Variants in PLEKHA5 observed in about 807,000 individuals in gnomAD.
PLEKHA5 encodes the protein pleckstrin homology domain-containing family A member 5.
In PLEKHA5, 55 loss-of-function variants were observed where a neutral mutation model predicts 181.9. The ratio of observed to expected loss-of-function variants is 0.30; its 90% CI spans 0.24 to 0.38. PLEKHA5 has a LOEUF of 0.38. Among genes scored for constraint, PLEKHA5 ranks in the 10% least tolerant of loss-of-function variants. The pLI is 1.00. For missense variants in PLEKHA5, 1,432 were observed against 1,549.5 expected (o/e 0.92, Z 1.27); for synonymous variants, 535 against 529.4 (o/e 1.01, Z -0.15).
chr12:19,300,943 T>G (rs2081301778), intron 15 of PLEKHA5, among the ~76,000 whole-genome samples: 1 of 147,024 alleles, frequency 6.8e-6, no homozygotes, highest in Non-Finnish European at 1.5e-5. Context: ...AAGACCAGCC[T>G]GACCAACATG....
At position 19,308,765 on chromosome 12, in the gene PLEKHA5, G is replaced by A. The variant is rs796750613; in HGVS notation, c.2038-6049G>A. Among the ~76,000 whole-genome samples the A allele has an allele frequency of 6.6e-5, 10 of 152,148 alleles. 2 individuals carry two copies. The highest frequency in any genetic ancestry group is 3.9e-4 in the East Asian group (2 of 5,170). On this transcript the variant is annotated intron_variant, in intron 15 of 31. Coordinates refer to ENST00000429027, the MANE Select transcript of PLEKHA5 (RefSeq NM_001256470.2). ...AAATGAGCATTTGAAATGATAATCC[G>A]GCTGGGCACAGTGGCTCACCCCTGT...
At chr12:19,241,347 G>T (rs1297982774) in intron 3 of PLEKHA5, among the ~76,000 whole-genome samples, 1 of 152,170 alleles carries the variant, frequency 6.6e-6, no homozygotes, top group Non-Finnish European at 1.5e-5. Flanking sequence ...CAGCTTGGAG[G>T]ATAGACTCAA....
intron 25 of PLEKHA5, among the ~76,000 whole-genome samples, chr12:19,348,929 T>C (rs2094459229): frequency 6.6e-6 from 1 of 152,120 alleles, no homozygotes; most frequent in Non-Finnish European, 1.5e-5. Context: ...ACCACTGCAC[T>C]CCAGCCTGGG....
intron 3 of PLEKHA5, chr12:19,154,142 C>T (rs953879281): frequency 9.9e-5 from 15 of 152,120 alleles, no homozygotes; most frequent in African/African-American, 3.4e-4. Flanking sequence ...TCCGGTAGTA[C>T]TTGTGCCTTT....
intron 3 of PLEKHA5, among the ~76,000 whole-genome samples, chr12:19,198,311 C>T (rs7980706): frequency 0.84 from 127,640 of 152,154 alleles, 55,000 homozygotes; most frequent in Non-Finnish European, 0.95. Context: ...ACTCTAGTCA[C>T]AGAGGCCTTC....
chr12:19,346,280 C>T (rs1405418807), intron 23 of PLEKHA5, among the ~76,000 whole-genome samples: 1 of 152,012 alleles, frequency 6.6e-6, no homozygotes, highest in African/African-American at 2.4e-5. Context: ...GTCAACCTAA[C>T]CAAAAGAATC....
intron 3 of PLEKHA5, among the ~76,000 whole-genome samples, chr12:19,197,684 G>C (rs1278252675): frequency 1.8e-4 from 11 of 62,228 alleles, no homozygotes; most frequent in South Asian, 5.3e-4. Flanking sequence ...TGCTGTGTGT[G>C]TGTGTGTGTG....
chr12:19,364,440 G>T (rs1268729551), intron 29 of PLEKHA5, among the ~76,000 whole-genome samples: 1 of 151,956 alleles, frequency 6.6e-6, no homozygotes, highest in African/African-American at 2.4e-5. Flanking sequence ...GAGCCAGGGA[G>T]GCGGAGGTCT....
chr12:19,241,543 G>C (rs1261446885), intron 3 of PLEKHA5, among the ~76,000 whole-genome samples: 1 of 152,146 alleles, frequency 6.6e-6, no homozygotes. Context: ...GATCACTTGA[G>C]GCTAGGAGTT....
intron 3 of PLEKHA5, chr12:19,152,322 G>A (rs1308171374): frequency 6.6e-6 from 1 of 152,178 alleles, no homozygotes; most frequent in Non-Finnish European, 1.5e-5. Context: ...AACAAAGTAA[G>A]CAGGACAACA....
chr12:19,272,739 AAAT>A (rs767221456), intron 10 of PLEKHA5, among the ~76,000 whole-genome samples: 1 of 152,218 alleles, frequency 6.6e-6, no homozygotes, highest in Non-Finnish European at 1.5e-5. Flanking sequence ...ACCTTATCTC[AAAT>A]AATAATGATA....
chr12:19,322,616 T>C lies in PLEKHA5; in HGVS notation c.2397T>C (p.Asp799=). 2 of 1,613,894 alleles carry C rather than the reference T, an allele frequency of 1.2e-6. No homozygotes were observed. The highest frequency in any genetic ancestry group is 1.7e-6 in the Non-Finnish European group (2 of 1,179,848). ...AGACAGTGGTGTTACAAAGGGATGA[T>C]TTACAAAATGGACTGCTTAGTACGT... The part of the protein sequence containing the change: ...AIQTVVLQRD[D]LQNGLLSTCR... The change falls in exon 20 of 32, where the codon GAT becomes GAC. Residue 799 remains aspartate (D), a synonymous_variant. Transcript: ENST00000429027.
chr12:19,358,183 A>G lies in PLEKHA5; in HGVS notation c.3139-45A>G, dbSNP rs779160858. ...CATTTTTTATTCCATCATACTTTTC[A>G]GAAGTTTTCATTTATGTATTGATAT... On this transcript the variant is annotated intron_variant, in intron 26 of 31. Transcript: ENST00000429027. The G allele has an allele frequency of 1.1e-5, 14 of 1,292,388 alleles. No individual in the cohort carries two copies. In the South Asian group the frequency reaches 1.8e-4, roughly 16 times the overall value. The allele number at this position is 1,292,388 out of a possible 1,614,324, so 80.1% of individuals were successfully genotyped here. A position where few individuals can be genotyped will look rare whatever the true frequency, so the allele number is the denominator to read the frequency against.
intron 27 of PLEKHA5, 74 bp downstream of exon 27, chr12:19,358,511 T>C (rs1005021133): frequency 3.5e-5 from 33 of 933,622 alleles, no homozygotes; most frequent in Middle Eastern, 5.3e-4. Context: ...AGTTACATGA[T>C]TGATAGGTCT....
intron 3 of PLEKHA5, among the ~76,000 whole-genome samples, chr12:19,199,593 G>A (rs1241352176): frequency 1.3e-5 from 2 of 152,166 alleles, no homozygotes; most frequent in Non-Finnish European, 2.9e-5. Flanking sequence ...CAGTTGCTCA[G>A]TAGCCAACCA....
intron 3 of PLEKHA5, among the ~76,000 whole-genome samples, chr12:19,199,724 C>T (rs1273704804): frequency 6.6e-6 from 1 of 152,186 alleles, no homozygotes; most frequent in African/African-American, 2.4e-5. Flanking sequence ...AAAGCACATT[C>T]TACGACTTGA....
chr12:19,262,811 C>T (rs1228805730), intron 7 of PLEKHA5, among the ~76,000 whole-genome samples: 1 of 152,136 alleles, frequency 6.6e-6, no homozygotes, highest in Non-Finnish European at 1.5e-5. Context: ...GTACTCCAGA[C>T]CTCAGCATCA....
rs1196016303 is a variant in PLEKHA5, at chr12:19,130,102, G to T, written c.141G>T (p.Val47=). 6.3e-7 allele frequency: 1 copy of T among 1,586,324 alleles called. No homozygotes were observed. The highest frequency in any genetic ancestry group is 2.3e-5 in the East Asian group (1 of 42,854). The change falls in exon 2 of 32, where the codon GTG becomes GTT. Residue 47 remains valine (V), a synonymous_variant. Transcript: ENST00000429027. This position sits in a 1 kb window ranked among gnomAD's most constrained non-coding sequence, Gnocchi z 4.5. ...TGCACCCCGTCACCGGCGAGGCGGT[G>T]GTCACCGGACACCGGCGGCAGAGCA... The part of the protein sequence containing the change: ...TWLHPVTGEA[V]VTGHRRQSTD...
At chr12:19,269,358 A>G (rs929527805) in intron 8 of PLEKHA5, among the ~76,000 whole-genome samples, 3 of 147,140 alleles carry the variant, frequency 2.0e-5, no homozygotes, top group Admixed American at 7.0e-5. Flanking sequence ...CTGCACTCCA[A>G]CCTGGGCAAC....
Sources: allele counts gnomAD v4.1 joint callset (sites outside exome capture counted in the v4.1 genomes callset), GRCh38; gene constraint gnomAD v4.1.1; non-coding constraint Gnocchi (gnomAD v3.1); transcripts MANE v1.5; gene names NCBI Gene and HGNC (gene_info 2026-07-23, HGNC 2026-07-21).